NUCB2: variants seen among roughly 807,000 people sequenced by gnomAD.
NUCB2 encodes the protein nucleobindin-2.
In NUCB2, 48 loss-of-function variants were observed where a neutral mutation model predicts 57.9. The observed-to-expected ratio is 0.83, with a 90% CI of 0.66 to 1.05. The LOEUF (loss-of-function observed/expected upper bound fraction) is 1.05. Among genes scored for constraint, NUCB2 ranks in the 50% least tolerant of loss-of-function variants. The pLI is 0.00. For synonymous variants in NUCB2, 139 were observed against 152.1 expected (o/e 0.91, Z 0.64); for missense variants, 442 against 476.2 (o/e 0.93, Z 0.67).
intron 2 of NUCB2, among the ~76,000 whole-genome samples, chr11:17,338,624 A>G (rs1053901873): frequency 6.6e-6 from 1 of 152,128 alleles, no homozygotes; most frequent in African/African-American, 2.4e-5. Context: ...TTATTTTACA[A>G]TTCTTATAAT....
At chr11:17,278,149 CTCTA>C (rs1306847067) in intron 1 of NUCB2, among the ~76,000 whole-genome samples, 1 of 144,654 alleles carries the variant, frequency 6.9e-6, no homozygotes, top group Admixed American at 7.0e-5. Context: ...TCATGCTCTT[CTCTA>C]TCCAAATTTT....
intron 3 of NUCB2, 71 bp from the exon 4 acceptor site, chr11:17,296,033 A>T: frequency 1.3e-6 from 1 of 762,264 alleles, no homozygotes; most frequent in Non-Finnish European, 2.1e-6. Context: ...ATTGTTTCAC[A>T]GGATTGACCT....
chr11:17,331,125 G>C, intron 13 of NUCB2, 142 bp downstream of exon 13: 2 of 678,942 alleles, frequency 2.9e-6, no homozygotes, highest in Non-Finnish European at 4.7e-6. Flanking sequence ...GAGCAATTTA[G>C]ATTATAGAAA....
chr11:17,313,791 C>T (rs117287585), intron 10 of NUCB2, among the ~76,000 whole-genome samples: 1 of 152,100 alleles, frequency 6.6e-6, no homozygotes, highest in Admixed American at 6.6e-5. Context: ...TTTGCTGGCT[C>T]TTCCTCCTCT....
At chr11:17,279,073 A>G (rs1255966709) in intron 1 of NUCB2, among the ~76,000 whole-genome samples, 1 of 152,054 alleles carries the variant, frequency 6.6e-6, no homozygotes, top group Non-Finnish European at 1.5e-5. Flanking sequence ...GGCATCTGTA[A>G]TCTCAACTAC....
chr11:17,292,798 T>A (rs10832756), intron 2 of NUCB2, among the ~76,000 whole-genome samples: 21,541 of 152,214 alleles, frequency 0.14, 2,889 homozygotes, highest in East Asian at 0.44. Context: ...TAATATATTT[T>A]AAAAGTTTAG....
Position 17,287,531 on chromosome 11 carries a change from G to A in NUCB2, c.-1+4588G>A, listed in dbSNP as rs550864483. ...TACTAAAAATACAAAAAATTAGCAG[G>A]GCATGGTGGCGCACACTTGTAGTCC... is the stretch of plus-strand genomic sequence containing the variant. On this transcript the variant is annotated intron_variant, in intron 2 of 13. Transcript: ENST00000529010. Among the ~76,000 whole-genome samples the A allele has an allele frequency of 7.2e-5, 11 of 151,860 alleles. No individual in the cohort carries two copies. In the South Asian group the frequency reaches 2.1e-3, roughly 29 times the overall value.
chr11:17,347,986 A>G (rs1952881802), intron 2 of NUCB2, among the ~76,000 whole-genome samples: 1 of 152,236 alleles, frequency 6.6e-6, no homozygotes. Flanking sequence ...GAATCTAAGA[A>G]TAAAAATTGA....
intron 4 of NUCB2, among the ~76,000 whole-genome samples, chr11:17,296,815 A>G (rs575441150): frequency 8.3e-4 from 126 of 152,300 alleles, no homozygotes; most frequent in African/African-American, 2.9e-3. Flanking sequence ...GAGGGCCTGT[A>G]TATCATGTTA....
rs1206325646 is a variant in NUCB2 at position 17,282,240 on chromosome 11, A to ATCTGTC, written c.-155-548_-155-547insCTGTCT. Reference sequence around the variant, plus strand: ...TATATCTATCTATCTATCTATCTATATATATATATATATATATATTTTTTT... The same window carrying ATCTGTC: ...TATATCTATCTATCTATCTATCTATATCTGTCTATATATATATATATATATTTTTTT... On this transcript the variant is annotated intron_variant, in intron 1 of 13. Coordinates refer to ENST00000529010, the MANE Select transcript of NUCB2 (RefSeq NM_005013.4). 8.4e-5 allele frequency among the ~76,000 whole-genome samples: 9 copies of ATCTGTC among 107,034 alleles called. No individual in the cohort carries two copies. The East Asian group carries it at 1.4e-3, about 17-fold the overall frequency. The allele number at this position is 107,034 out of a possible 152,430, so 70.2% of individuals were successfully genotyped here.
At chr11:17,347,663 TATA>T (rs1248277429) in intron 2 of NUCB2, among the ~76,000 whole-genome samples, 1 of 152,228 alleles carries the variant, frequency 6.6e-6, no homozygotes, top group African/African-American at 2.4e-5. Flanking sequence ...TACTGTCCTT[TATA>T]ATAATTTTTT....
chr11:17,343,672 T>G (rs1322957035), intron 2 of NUCB2, among the ~76,000 whole-genome samples: 1 of 152,250 alleles, frequency 6.6e-6, no homozygotes, highest in Non-Finnish European at 1.5e-5. Flanking sequence ...ATAGATGATT[T>G]CCTTTTTAAA....
At chr11:17,309,753 G>T in intron 6 of NUCB2, 78 bp downstream of exon 6, 1 of 854,446 alleles carries the variant, frequency 1.2e-6, no homozygotes. Flanking sequence ...CCAATGAAAT[G>T]GAAATATAAC....
At chr11:17,327,917 G>A (rs962120120) in intron 11 of NUCB2, among the ~76,000 whole-genome samples, 1 of 152,176 alleles carries the variant, frequency 6.6e-6, no homozygotes, top group African/African-American at 2.4e-5. Context: ...TGGTTCTCCA[G>A]GATTGGAACC....
intron 11 of NUCB2, chr11:17,317,673 A>G (rs901939859): frequency 3.2e-5 from 8 of 249,534 alleles, no homozygotes; most frequent in African/African-American, 1.6e-4. Context: ...AGTGTATCCT[A>G]TTAGAAGGCA....
intron 4 of NUCB2, 152 bp from the exon 5 acceptor site, chr11:17,301,592 C>G: frequency 1.9e-6 from 1 of 530,402 alleles, no homozygotes; most frequent in East Asian, 3.3e-5. Flanking sequence ...AAGCTAATAT[C>G]TTTTGAAAGA....
At position 17,288,882 on chromosome 11, in the gene NUCB2, TACACACACACACACACACAC is replaced by T. The variant is rs1167995024; in HGVS notation, c.-1+5989_-1+6008del. ...TAAAGTCTATTTAATAACATGTATATACACACACACACACACACACACACACACACACACACACACACACA... is the reference window on the plus strand; with the variant it reads ...TAAAGTCTATTTAATAACATGTATATACACACACACACACACACACACACA... On this transcript the variant is annotated intron_variant, in intron 2 of 13. Coordinates refer to ENST00000529010, the MANE Select transcript of NUCB2 (RefSeq NM_005013.4). Among the ~76,000 whole-genome samples, 446 of 44,668 alleles carry T rather than the reference TACACACACACACACACACAC, an allele frequency of 1.0e-2. 28 individuals are homozygous for T. The highest frequency in any genetic ancestry group is 0.038 in the East Asian group (60 of 1,598). The allele number at this position is 44,668 out of a possible 152,430, so 29.3% of individuals were successfully genotyped here. A position where few individuals can be genotyped will look rare whatever the true frequency, so the allele number is the denominator to read the frequency against.
downstream of NUCB2, among the ~76,000 whole-genome samples, chr11:17,335,893 G>A (rs919301171): frequency 4.3e-4 from 65 of 152,132 alleles, 2 homozygotes; most frequent in Admixed American, 4.6e-4. Context: ...TATTTCTTTA[G>A]TTATTAAATG....
intron 4 of NUCB2, among the ~76,000 whole-genome samples, chr11:17,299,796 C>T (rs1275268707): frequency 2.6e-5 from 4 of 151,614 alleles, no homozygotes; most frequent in African/African-American, 4.9e-5. Flanking sequence ...CCTAGCTACT[C>T]GGGAGGTTGA....
Sources: allele counts gnomAD v4.1 joint callset (sites outside exome capture counted in the v4.1 genomes callset), GRCh38; gene constraint gnomAD v4.1.1; transcripts MANE v1.5; gene names NCBI Gene and HGNC (gene_info 2026-07-23, HGNC 2026-07-21).